The following GDI2 variants were observed in gnomAD, a reference collection of about 807,000 sequenced individuals.
The protein encoded by GDI2 is rab GDP dissociation inhibitor beta.
A neutral mutation model predicts 54.2 loss-of-function variants in GDI2; 22 were observed. That is an observed-to-expected ratio of 0.41 (90% CI 0.29 to 0.58). GDI2 has a LOEUF of 0.58. Ranked by LOEUF, GDI2 falls within the 20% of genes least tolerant of loss-of-function variation. The pLI, the probability that GDI2 is intolerant of heterozygous loss-of-function variation, is 0.35. For synonymous variants in GDI2, 177 were observed against 182.1 expected (o/e 0.97, Z 0.23); for missense variants, 422 against 546.0 (o/e 0.77, Z 2.26).
Position 5,785,291 on chromosome 10 carries a change from A to G in GDI2, c.588-18T>C. ...CTAAGTAACTGGAAGAAAGGAAATG[A>G]GTATTAGGAAAGGGCTTTAGTTTTC... is the stretch of plus-strand genomic sequence containing the variant. On this transcript the variant is annotated intron_variant, in intron 5 of 10. Transcript: ENST00000380191. 1 of 1,552,862 alleles carries G rather than the reference A, an allele frequency of 6.4e-7. No homozygotes were observed. The highest frequency in any genetic ancestry group is 8.8e-7 in the Non-Finnish European group (1 of 1,133,836).
intron 7 of GDI2, among the ~76,000 whole-genome samples, chr10:5,770,742 G>A (rs544054323): frequency 1.3e-5 from 2 of 152,132 alleles, no homozygotes; most frequent in Admixed American, 6.5e-5. Flanking sequence ...GAGGCAGGCA[G>A]ATCACCTGAG....
At chr10:5,811,661 A>G (rs1841481566) in intron 1 of GDI2, among the ~76,000 whole-genome samples, 1 of 150,152 alleles carries the variant, frequency 6.7e-6, no homozygotes, top group Non-Finnish European at 1.5e-5. Flanking sequence ...GGCACTTAAA[A>G]AAAAAAAAAA....
chr10:5,767,037 A>G (rs888639303), intron 8 of GDI2, among the ~76,000 whole-genome samples: 1 of 152,216 alleles, frequency 6.6e-6, no homozygotes, highest in African/African-American at 2.4e-5. Flanking sequence ...TCATTTACTT[A>G]TTACAGTAAT....
At position 5,766,361 on chromosome 10, in the gene GDI2, C is replaced by T. The variant is rs1344386619; in HGVS notation, c.1137-66G>A. 2.0e-6 allele frequency: 3 copies of T among 1,497,880 alleles called. No individual in the cohort carries two copies. Among genetic ancestry groups the T allele is most frequent in the Admixed American group, 1.7e-5 (1 of 59,880 alleles). The allele number at this position is 1,497,880 out of a possible 1,614,324, so 92.8% of individuals were successfully genotyped here. A position where few individuals can be genotyped will look rare whatever the true frequency, so the allele number is the denominator to read the frequency against. On this transcript the variant is annotated intron_variant, in intron 9 of 10. Transcript: ENST00000380191. This position sits in a 1 kb window ranked among gnomAD's most constrained non-coding sequence, Gnocchi z 5.8. ...ACCTGACCATGGCTCTGCCTGAGGTCAACTGAGAGGTACAGATGAATCCCA... is the reference window on the plus strand; with the variant it reads ...ACCTGACCATGGCTCTGCCTGAGGTTAACTGAGAGGTACAGATGAATCCCA...
At chr10:5,800,822 C>A (rs1190948438) in intron 1 of GDI2, 117 bp from the exon 2 acceptor site, 4 of 665,896 alleles carry the variant, frequency 6.0e-6, no homozygotes, top group Non-Finnish European at 8.2e-6. Flanking sequence ...ATTCATGCAA[C>A]ATGACATAAT....
intron 6 of GDI2, among the ~76,000 whole-genome samples, chr10:5,782,581 C>T (rs1840782640): frequency 6.6e-6 from 1 of 152,072 alleles, no homozygotes; most frequent in Non-Finnish European, 1.5e-5. Flanking sequence ...TAGATGTCCA[C>T]CAAAAGGAGA....
chr10:5,812,504 A>C (rs1265050694), intron 1 of GDI2, among the ~76,000 whole-genome samples: 1 of 152,232 alleles, frequency 6.6e-6, no homozygotes, highest in Non-Finnish European at 1.5e-5. Context: ...CAAAAGGAAA[A>C]GGCGGCGAAG....
intron 6 of GDI2, among the ~76,000 whole-genome samples, chr10:5,781,048 G>C (rs1383981108): frequency 6.6e-6 from 1 of 151,874 alleles, no homozygotes; most frequent in Non-Finnish European, 1.5e-5. Context: ...ACAAATCACT[G>C]AAACAAAACT....
intron 4 of GDI2, among the ~76,000 whole-genome samples, chr10:5,787,627 GCT>G (rs1433716046): frequency 1.3e-5 from 2 of 152,204 alleles, no homozygotes; most frequent in African/African-American, 4.8e-5. Context: ...AAGGCATAAG[GCT>G]GAATAGAAAT....
chr10:5,790,462 G>A (rs776907358), intron 4 of GDI2, among the ~76,000 whole-genome samples: 4 of 151,938 alleles, frequency 2.6e-5, no homozygotes, highest in African/African-American at 2.4e-5. Flanking sequence ...TGACCAACAC[G>A]GTAAAACCCT....
chr10:5,773,351 G>A (rs926874429), intron 7 of GDI2, among the ~76,000 whole-genome samples: 13 of 152,086 alleles, frequency 8.5e-5, no homozygotes, highest in South Asian at 2.1e-4. Flanking sequence ...AAAGGGAAAC[G>A]ATCTTTTTTT....
At chr10:5,806,415 A>C (rs1841382716) in intron 1 of GDI2, among the ~76,000 whole-genome samples, 1 of 151,456 alleles carries the variant, frequency 6.6e-6, no homozygotes, top group Non-Finnish European at 1.5e-5. Flanking sequence ...TAAAAAAAAA[A>C]AAACAAAAAA....
At position 5,766,195 on chromosome 10, in the gene GDI2, T is replaced by G. The variant is rs1187549887; in HGVS notation, c.1192-43A>C. 1 of 1,610,950 alleles carries G rather than the reference T, an allele frequency of 6.2e-7. No homozygotes were observed. The highest frequency in any genetic ancestry group is 1.3e-5 in the African/African-American group (1 of 75,004). ...GAAGACTTAAGACCATGGAGGGATGTCTTCCAGTGAAACCTGCCCATATCC... is the reference window on the plus strand; with the variant it reads ...GAAGACTTAAGACCATGGAGGGATGGCTTCCAGTGAAACCTGCCCATATCC... On this transcript the variant is annotated intron_variant, in intron 10 of 10. Transcript: ENST00000380191. The surrounding 1 kb of genome is among the most constrained non-coding windows in gnomAD (Gnocchi z 5.8).
intron 6 of GDI2, among the ~76,000 whole-genome samples, chr10:5,782,303 T>C (rs1588973816): frequency 6.6e-6 from 1 of 152,268 alleles, no homozygotes; most frequent in East Asian, 1.9e-4. Context: ...GCAATTAAAA[T>C]TAAAAACTTA....
Position 5,768,649 on chromosome 10 carries a change from C to T in GDI2, c.820-265G>A, listed in dbSNP as rs941231622. 11 of 325,970 alleles carry T rather than the reference C, an allele frequency of 3.4e-5. No individual in the cohort carries two copies. Among genetic ancestry groups the T allele is most frequent in the Middle Eastern group, 8.4e-4 (1 of 1,188 alleles). 20.2% of individuals were successfully genotyped at this position (325,970 alleles called of 1,614,324 possible). On this transcript the variant is annotated intron_variant, in intron 7 of 10. Coordinates refer to ENST00000380191, the MANE Select transcript of GDI2 (RefSeq NM_001494.4). The surrounding 1 kb of genome is among the most constrained non-coding windows in gnomAD (Gnocchi z 4.4). ...ATGACAAACGTATGGACCAATGAAA[C>T]GAGGAGAGAGCCAGAAATAAACCCT...
intron 3 of GDI2, 22 bp from the exon 4 acceptor site, chr10:5,795,041 A>T: frequency 6.7e-7 from 1 of 1,485,056 alleles, no homozygotes; most frequent in Non-Finnish European, 9.4e-7. Context: ...ACATAATTCA[A>T]ACTATAACTT....
At chr10:5,801,601 G>C (rs1434009573) in intron 1 of GDI2, among the ~76,000 whole-genome samples, 3 of 152,028 alleles carry the variant, frequency 2.0e-5, no homozygotes, top group Non-Finnish European at 2.9e-5. Context: ...GCTTGAACCT[G>C]GGAGGCAGAG....
chr10:5,779,694 CTTT>C (rs368605604), intron 6 of GDI2, among the ~76,000 whole-genome samples: 1 of 139,840 alleles, frequency 7.2e-6, no homozygotes. Context: ...AAGTTTGATG[CTTT>C]TTTTTTTTTT....
At chr10:5,785,664 C>G (rs904559974) in intron 5 of GDI2, among the ~76,000 whole-genome samples, 188 bp downstream of exon 5, 1 of 152,210 alleles carries the variant, frequency 6.6e-6, no homozygotes, top group African/African-American at 2.4e-5. Context: ...GCGTGAGCCA[C>G]CACACCTGGC....
Sources: gnomAD v4.1 joint callset for allele counts (sites outside exome capture counted in the v4.1 genomes callset) on GRCh38, gnomAD v4.1.1 for gene constraint, Gnocchi (gnomAD v3.1) non-coding constraint, MANE v1.5 for transcripts, NCBI Gene and HGNC (gene_info 2026-07-23, HGNC 2026-07-21) for gene names.